The following BMPR1A variants were observed in gnomAD, a reference collection of about 807,000 sequenced individuals.
BMPR1A encodes bone morphogenetic protein receptor type 1A, also known as bone morphogenetic protein receptor type-1A.
BMPR1A carries 7 observed loss-of-function variants against 66.0 expected under a neutral mutation model. The ratio of observed to expected loss-of-function variants is 0.11; its 90% confidence interval spans 0.06 to 0.20. The LOEUF is 0.20. Ranked by LOEUF, BMPR1A falls within the 10% of genes least tolerant of loss-of-function variation. BMPR1A has a pLI of 1.00. For missense variants in BMPR1A, 408 were observed against 669.1 expected (o/e 0.61, Z 4.31); for synonymous variants, 200 against 229.7 (o/e 0.87, Z 1.17).
intron 3 of BMPR1A, among the ~76,000 whole-genome samples, chr10:86,884,161 C>T (rs1054112278): frequency 6.6e-6 from 1 of 151,914 alleles, no homozygotes; most frequent in African/African-American, 2.4e-5. Flanking sequence ...AACCACCATT[C>T]CCTGCCAGCC....
chr10:86,928,413 A>T (rs1843777451), downstream of BMPR1A: 1 of 151,590 alleles, frequency 6.6e-6, no homozygotes, highest in Non-Finnish European at 1.5e-5. Flanking sequence ...TAATAGAGAC[A>T]GGGTTTCACC....
At chr10:86,762,986 T>C (rs953960966) in intron 1 of BMPR1A, among the ~76,000 whole-genome samples, 1 of 152,064 alleles carries the variant, frequency 6.6e-6, no homozygotes, top group Non-Finnish European at 1.5e-5. Context: ...AACCTCTACC[T>C]CCCGGGTTAA....
intron 1 of BMPR1A, among the ~76,000 whole-genome samples, chr10:86,823,447 T>A (rs1322419583): frequency 6.6e-6 from 1 of 152,246 alleles, no homozygotes; most frequent in African/African-American, 2.4e-5. Context: ...GGAGCCAGGA[T>A]TCTAACCTTG....
At chr10:86,779,168 A>G (rs1445613755) in intron 1 of BMPR1A, among the ~76,000 whole-genome samples, 1 of 152,112 alleles carries the variant, frequency 6.6e-6, no homozygotes, top group African/African-American at 2.4e-5. Context: ...TGTCTAACCC[A>G]TATCTAGGCT....
At chr10:86,855,171 TG>T in intron 2 of BMPR1A, 1 of 476,894 alleles carries the variant, frequency 2.1e-6, no homozygotes. Flanking sequence ...ATCAACCTGC[TG>T]GGATTACAGG....
At chr10:86,860,074 C>T (rs184900344) in intron 2 of BMPR1A, among the ~76,000 whole-genome samples, 118 of 152,002 alleles carry the variant, frequency 7.8e-4, no homozygotes, top group Non-Finnish European at 1.4e-3. Flanking sequence ...CTCGGGAGGC[C>T]GAAGCAGTGC....
intron 8 of BMPR1A, 124 bp downstream of exon 8, chr10:86,912,508 A>G: frequency 8.2e-7 from 1 of 1,221,314 alleles, no homozygotes; most frequent in South Asian, 1.3e-5. Flanking sequence ...CTCCTTATTT[A>G]GAAAGAGGTA....
intron 7 of BMPR1A, among the ~76,000 whole-genome samples, chr10:86,910,361 A>G (rs1243987940): frequency 6.6e-6 from 1 of 152,154 alleles, no homozygotes; most frequent in African/African-American, 2.4e-5. Flanking sequence ...AAAAATAAAA[A>G]TAAAGATTAC....
At chr10:86,851,044 A>G (rs1446458997) in intron 2 of BMPR1A, among the ~76,000 whole-genome samples, 1 of 152,192 alleles carries the variant, frequency 6.6e-6, no homozygotes, top group Non-Finnish European at 1.5e-5. Flanking sequence ...AACCAGAAAT[A>G]TTTTGGAAAG....
chr10:86,871,937 T>A (rs1312913851), intron 2 of BMPR1A, among the ~76,000 whole-genome samples: 1 of 152,150 alleles, frequency 6.6e-6, no homozygotes, highest in African/African-American at 2.4e-5. Context: ...GTATCTCAAG[T>A]GGAGTGGTTG....
Position 86,904,013 on chromosome 10 carries a change from C to T in BMPR1A, c.530+3887C>T, listed in dbSNP as rs528367443. Among the ~76,000 whole-genome samples the T allele has an allele frequency of 2.1e-3, 314 of 152,314 alleles. 2 individuals carry two copies. Among genetic ancestry groups the T allele is most frequent in the African/African-American group, 6.9e-3 (286 of 41,576 alleles). ...CCACCTGCTGGGTTCAAGCGATTCT[C>T]GTGCTTCAGCTTCCCAAGTAGCTGG... is the stretch of plus-strand genomic sequence containing the variant. On this transcript the variant is annotated intron_variant, in intron 7 of 12. Coordinates refer to ENST00000372037, the MANE Select transcript of BMPR1A (RefSeq NM_004329.3).
intron 7 of BMPR1A, among the ~76,000 whole-genome samples, chr10:86,900,690 C>T (rs1212690157): frequency 1.3e-5 from 2 of 152,318 alleles, no homozygotes; most frequent in South Asian, 2.1e-4. Context: ...GAGGAAAAGA[C>T]GTTCGCATAC....
intron 3 of BMPR1A, among the ~76,000 whole-genome samples, chr10:86,880,027 T>C (rs1842966599): frequency 6.6e-6 from 1 of 152,226 alleles, no homozygotes; most frequent in Non-Finnish European, 1.5e-5. Context: ...TAGTGGAGGA[T>C]GATCTTTGTG....
Position 86,927,032 on chromosome 10 carries a change from A to C in BMPR1A, c.*3313A>C, listed in dbSNP as rs1267149622. The stretch of plus-strand genomic sequence containing the variant: ...AAGTTATTTTAATCAGTATTTTTAC[A>C]TTGCCTTTCCAGTGTCCAGAAGTGT... On this transcript the variant is annotated 3_prime_UTR_variant, in exon 13 of 13. Coordinates refer to ENST00000372037, the MANE Select transcript of BMPR1A (RefSeq NM_004329.3). 5.3e-6 allele frequency: 1 copy of C among 187,426 alleles called. No individual in the cohort carries two copies. The highest frequency in any genetic ancestry group is 1.1e-5 in the Non-Finnish European group (1 of 88,880). The allele number at this position is 187,426 out of a possible 1,614,324, so 11.6% of individuals were successfully genotyped here. A position where few individuals can be genotyped will look rare whatever the true frequency, so the allele number is the denominator to read the frequency against.
At chr10:86,826,992 A>T (rs549327311) in intron 1 of BMPR1A, among the ~76,000 whole-genome samples, 16 of 97,780 alleles carry the variant, frequency 1.6e-4, no homozygotes, top group African/African-American at 4.2e-4. Context: ...CTATCTACTT[A>T]TCTTTCTATC....
intron 1 of BMPR1A, among the ~76,000 whole-genome samples, chr10:86,797,068 C>CTTTTTTTTTTTTTTTTTT (rs780930060): frequency 3.3e-4 from 35 of 105,030 alleles, no homozygotes; most frequent in Non-Finnish European, 5.3e-4. Flanking sequence ...CTTTTCTTTT[C>CTTTTTTTTTTTTTTTTTT]TTTTTTTTTT....
At chr10:86,758,448 G>A (rs1047091780) in intron 1 of BMPR1A, among the ~76,000 whole-genome samples, 4 of 151,272 alleles carry the variant, frequency 2.6e-5, no homozygotes, top group Non-Finnish European at 4.4e-5. Context: ...CTGCTTAGTG[G>A]AGCGTGAGTT....
At chr10:86,776,674 T>G (rs1841352528) in intron 1 of BMPR1A, among the ~76,000 whole-genome samples, 1 of 152,196 alleles carries the variant, frequency 6.6e-6, no homozygotes, top group Non-Finnish European at 1.5e-5. Context: ...ATAGAAAACA[T>G]GATATTCAAT....
Position 86,897,344 on chromosome 10 carries a change from A to G in BMPR1A, c.334-2450A>G, listed in dbSNP as rs200772637. 2.6e-3 allele frequency among the ~76,000 whole-genome samples: 396 copies of G among 152,310 alleles called. 4 individuals carry two copies. Among genetic ancestry groups the G allele is most frequent in the African/African-American group, 9.2e-3 (381 of 41,572 alleles). ...GAAAGGCTGTGTCACCCAAATTCAT[A>G]ATCTCGACAAACCCAATTTTTGCCT... is the stretch of plus-strand genomic sequence containing the variant. On this transcript the variant is annotated intron_variant, in intron 5 of 12. Transcript: ENST00000372037.
Sources: allele counts gnomAD v4.1 joint callset (sites outside exome capture counted in the v4.1 genomes callset), GRCh38; gene constraint gnomAD v4.1.1; transcripts MANE v1.5; gene names NCBI Gene and HGNC (gene_info 2026-07-23, HGNC 2026-07-21).